NCOA5: variants seen among roughly 807,000 people sequenced by gnomAD.
NCOA5 encodes NCoA-5.
NCOA5 carries 12 observed loss-of-function variants against 59.0 expected under a neutral mutation model. The observed-to-expected ratio is 0.20, with a 90% CI of 0.13 to 0.33. NCOA5 has a LOEUF of 0.33. NCOA5 is among the 10% of genes least tolerant of loss of function. NCOA5 has a pLI of 1.00. For synonymous variants in NCOA5, 270 were observed against 275.5 expected, an observed-to-expected ratio of 0.98 and a Z score of 0.20; for missense variants, 655 against 766.6, an observed-to-expected ratio of 0.85 and a Z score of 1.72.
intron 1 of NCOA5, among the ~76,000 whole-genome samples, chr20:46,080,992 A>C (rs905777081): frequency 1.3e-5 from 2 of 152,130 alleles, no homozygotes; most frequent in Non-Finnish European, 2.9e-5. Flanking sequence ...TGTGAAGAAT[A>C]CTAGTTCAGG....
intron 1 of NCOA5, among the ~76,000 whole-genome samples, chr20:46,083,430 G>A (rs963468415): frequency 1.3e-5 from 2 of 152,126 alleles, no homozygotes; most frequent in African/African-American, 2.4e-5. Context: ...AAAGCCAAAC[G>A]CCTCTGCTCA....
At chr20:46,087,683 C>CG (rs1316620941) in intron 1 of NCOA5, among the ~76,000 whole-genome samples, 2 of 152,076 alleles carry the variant, frequency 1.3e-5, no homozygotes, top group African/African-American at 4.8e-5. Flanking sequence ...TGCTTGAACC[C>CG]GGGGGCCAAG....
intron 3 of NCOA5, among the ~76,000 whole-genome samples, chr20:46,069,235 C>T (rs1282760233): frequency 1.3e-5 from 2 of 152,220 alleles, no homozygotes; most frequent in Non-Finnish European, 2.9e-5. Context: ...ACTCCCCTCT[C>T]CCCAGCCACT....
At chr20:46,086,940 T>C (rs767066404) in intron 1 of NCOA5, among the ~76,000 whole-genome samples, 16 of 152,226 alleles carry the variant, frequency 1.1e-4, no homozygotes, top group Admixed American at 2.0e-4. Flanking sequence ...GACACCACTA[T>C]ATCTCAACAT....
Position 46,063,393 on chromosome 20 carries a change from G to A in NCOA5, c.1117C>T (p.Arg373Trp), listed in dbSNP as rs771044948. ...IINYLRERKERLMRSSTDSLP... is the reference protein window; with the variant it reads ...IINYLRERKEWLMRSSTDSLP... ...GAGTCGGTGCTGCTCCTCATCAGCCGCTCCTTCCGCTCTCGCAGGTAGTTG... is the reference window on the plus strand; with the variant it reads ...GAGTCGGTGCTGCTCCTCATCAGCCACTCCTTCCGCTCTCGCAGGTAGTTG... Residue 373 changes from arginine to tryptophan, a missense_variant, in exon 7 of 8, where the codon CGG becomes TGG. Around this residue, in one of 3 missense-constraint regions of NCOA5, gnomAD observed 325 missense variants for 353.2 expected, o/e 0.92. Coordinates refer to ENST00000290231, the MANE Select transcript of NCOA5 (RefSeq NM_020967.3). The A allele has an allele frequency of 3.1e-6, 5 of 1,613,482 alleles. No individual in the cohort carries two copies. Among genetic ancestry groups the A allele is most frequent in the South Asian group, 1.1e-5 (1 of 91,068 alleles).
At chr20:46,073,498 T>C (rs1468495227) in intron 2 of NCOA5, among the ~76,000 whole-genome samples, 2 of 152,232 alleles carry the variant, frequency 1.3e-5, no homozygotes, top group African/African-American at 2.4e-5. Context: ...TGATGTAGCA[T>C]GTAATGTGGG....
chr20:46,085,304 G>A (rs1368525093), intron 1 of NCOA5, among the ~76,000 whole-genome samples: 1 of 152,048 alleles, frequency 6.6e-6, no homozygotes, highest in East Asian at 1.9e-4. Flanking sequence ...TGGGATTATA[G>A]GCATGAGTCA....
rs2084779021 is a variant in NCOA5, at chr20:46,062,636, T to C, written c.1404A>G (p.Ala468=). The part of the protein sequence containing the change: ...GNTPNQNFST[A]ANSQPQQRSQ... ...ATCTTTGTTGAGGCTGGCTGTTTGC[T>C]GCTGTGGAAAAATTCTGGTTTGGGG... The change falls in exon 8 of 8, where the codon GCA becomes GCG. Residue 468 remains alanine (A), a synonymous_variant. Transcript: ENST00000290231. The C allele has an allele frequency of 1.9e-6, 3 of 1,614,094 alleles. No individual in the cohort carries two copies. Among genetic ancestry groups the C allele is most frequent in the Non-Finnish European group, 2.5e-6 (3 of 1,180,042 alleles).
intron 2 of NCOA5, among the ~76,000 whole-genome samples, chr20:46,078,260 TAGG>T (rs2084958926): frequency 6.6e-6 from 1 of 152,202 alleles, no homozygotes; most frequent in South Asian, 2.1e-4. Flanking sequence ...CACATCCAAG[TAGG>T]AGTATATACA....
chr20:46,088,981 T>C (rs1229870951), intron 1 of NCOA5, among the ~76,000 whole-genome samples: 1 of 152,190 alleles, frequency 6.6e-6, no homozygotes, highest in African/African-American at 2.4e-5. Context: ...CCGCCTTAAA[T>C]ATATTTAAGG....
Position 46,062,183 on chromosome 20 carries a change from G to T in NCOA5, c.*117C>A. On this transcript the variant is annotated 3_prime_UTR_variant, in exon 8 of 8. Transcript: ENST00000290231. ...GAGAGAGCAGGTGGTAGAAATTGAT[G>T]ACACTCGATGCCGGCCTGGGAGCGC... 1.4e-6 allele frequency: 1 copy of T among 739,406 alleles called. No individual in the cohort carries two copies. Among genetic ancestry groups the T allele is most frequent in the Non-Finnish European group, 2.2e-6 (1 of 463,130 alleles). 45.8% of individuals were successfully genotyped at this position (739,406 alleles called of 1,614,324 possible).
At chr20:46,068,374 C>T (rs1009689290) in intron 4 of NCOA5, 128 bp downstream of exon 4, 3 of 950,950 alleles carry the variant, frequency 3.2e-6, no homozygotes, top group African/African-American at 3.4e-5. Context: ...ACTTATATTT[C>T]TTCTTTTTAT....
intron 6 of NCOA5, among the ~76,000 whole-genome samples, chr20:46,064,401 T>G (rs571003061): frequency 1.3e-5 from 2 of 152,342 alleles, no homozygotes; most frequent in South Asian, 2.1e-4. Context: ...GGCGGACTCT[T>G]AATCCTCTGG....
At chr20:46,086,912 GAGA>G (rs1468218900) in intron 1 of NCOA5, among the ~76,000 whole-genome samples, 1 of 152,186 alleles carries the variant, frequency 6.6e-6, no homozygotes, top group African/African-American at 2.4e-5. Flanking sequence ...AAATGCCTCT[GAGA>G]AGTTTTGGAG....
At chr20:46,087,951 G>C (rs572245421) in intron 1 of NCOA5, among the ~76,000 whole-genome samples, 61 of 116,258 alleles carry the variant, frequency 5.2e-4, no homozygotes, top group African/African-American at 1.7e-3. Flanking sequence ...TTTTTAACAG[G>C]GGGAGAGATA....
At position 46,068,968 on chromosome 20, in the gene NCOA5, T is replaced by G. The variant is rs541051372; in HGVS notation, c.366-330A>C. ...TTTGCCATTTTAACAATTTTTATTA[T>G]TATTATTATTTTTTTTTTAGTAGAG... On this transcript the variant is annotated intron_variant, in intron 3 of 7. Transcript: ENST00000290231. 2.0e-5 allele frequency among the ~76,000 whole-genome samples: 3 copies of G among 152,260 alleles called. No individual in the cohort carries two copies. In the South Asian group the frequency reaches 6.2e-4, roughly 32 times the overall value.
At chr20:46,064,479 C>T (rs997872884) in intron 6 of NCOA5, among the ~76,000 whole-genome samples, 1 of 152,220 alleles carries the variant, frequency 6.6e-6, no homozygotes, top group Non-Finnish European at 1.5e-5. Flanking sequence ...TACAGGGTCA[C>T]GGCCTCTTAG....
At chr20:46,078,256 C>A (rs2084958821) in intron 2 of NCOA5, among the ~76,000 whole-genome samples, 1 of 152,212 alleles carries the variant, frequency 6.6e-6, no homozygotes, top group Non-Finnish European at 1.5e-5. Context: ...ACTTCACATC[C>A]AAGTAGGAGT....
chr20:46,083,638 G>A (rs1445514598), intron 1 of NCOA5, among the ~76,000 whole-genome samples: 1 of 152,180 alleles, frequency 6.6e-6, no homozygotes, highest in Non-Finnish European at 1.5e-5. Flanking sequence ...TTTAATAACT[G>A]ACTACAAATG....
Sources: allele counts gnomAD v4.1 joint callset (sites outside exome capture counted in the v4.1 genomes callset), GRCh38; gene constraint gnomAD v4.1.1; regional missense constraint gnomAD v4.1.1; transcripts MANE v1.5; gene names NCBI Gene and HGNC (gene_info 2026-07-23, HGNC 2026-07-21).